Variants in PRKAR2A observed in about 807,000 individuals in gnomAD.
PRKAR2A encodes the protein protein kinase cAMP-dependent type II regulatory subunit alpha, also known as cAMP-dependent protein kinase type II-alpha regulatory subunit.
Under a neutral mutation model 51.9 loss-of-function variants are expected in PRKAR2A, and 29 were observed. That is an observed-to-expected ratio of 0.56 (90% CI 0.42 to 0.76). PRKAR2A has a LOEUF of 0.76. Among genes scored for constraint, PRKAR2A ranks in the 30% least tolerant of loss-of-function variants. The pLI, the probability that PRKAR2A is intolerant of heterozygous loss-of-function variation, is 0.00. For synonymous variants in PRKAR2A, 178 were observed against 186.2 expected, an observed-to-expected ratio of 0.96 and a Z score of 0.36; for missense variants, 445 against 512.1, an observed-to-expected ratio of 0.87 and a Z score of 1.26.
At chr3:48,752,799 G>A (rs1219623934) in intron 9 of PRKAR2A, among the ~76,000 whole-genome samples, 1 of 150,802 alleles carries the variant, frequency 6.6e-6, no homozygotes, top group African/African-American at 2.4e-5. Flanking sequence ...TTGGCCTCAA[G>A]CAATCCTCCC....
In PRKAR2A at chr3:48,783,048, G is replaced by C; in HGVS notation, c.480C>G (p.Val160=). The C allele has an allele frequency of 6.2e-7, 1 of 1,613,778 alleles. No individual in the cohort carries two copies. Among genetic ancestry groups the C allele is most frequent in the Non-Finnish European group, 8.5e-7 (1 of 1,179,962 alleles). ...QVLDAMFERI[V]KADEHVIDQG... is the part of the protein sequence containing the mutation. The stretch of plus-strand genomic sequence containing the variant: ...GGTCAATGACATGCTCATCAGCTTT[G>C]ACTATCCTTTCAAACATGGCATCGA... Residue 160 remains valine, a synonymous_variant, in exon 5 of 11, where the codon GTC becomes GTG. Transcript: ENST00000265563.
chr3:48,793,875 G>A (rs1337941868), intron 3 of PRKAR2A, 122 bp downstream of exon 3: 3 of 838,900 alleles, frequency 3.6e-6, no homozygotes, highest in Admixed American at 2.5e-5. Context: ...GATTAAAAAT[G>A]TCACTTCAGT....
chr3:48,796,461 C>G (rs1225864390), intron 2 of PRKAR2A, among the ~76,000 whole-genome samples: 1 of 152,100 alleles, frequency 6.6e-6, no homozygotes. Flanking sequence ...ATATTTCTAC[C>G]CTTACAACTT....
In PRKAR2A at chr3:48,750,919, A is replaced by C. The variant is rs2081637449; in HGVS notation, c.*666T>G. The stretch of plus-strand genomic sequence containing the variant: ...GCTCTAACATGGGTCCCACGGACCT[A>C]TCAGTCTGCTCTGGGGTGCTGACCT... On this transcript the variant is annotated 3_prime_UTR_variant, in exon 11 of 11. Transcript: ENST00000265563. 1 of 159,186 alleles carries C rather than the reference A, an allele frequency of 6.3e-6. No homozygotes were observed. 9.9% of individuals were successfully genotyped at this position (159,186 alleles called of 1,614,324 possible).
At chr3:48,769,157 C>CT (rs200382765) in intron 6 of PRKAR2A, among the ~76,000 whole-genome samples, 13 of 136,274 alleles carry the variant, frequency 9.5e-5, no homozygotes, top group South Asian at 4.6e-4. Flanking sequence ...AAATATCTTT[C>CT]TTTTTTTTTT....
At chr3:48,754,996 C>CTTTTT (rs1279558575) in intron 9 of PRKAR2A, among the ~76,000 whole-genome samples, 1 of 125,820 alleles carries the variant, frequency 7.9e-6, no homozygotes, top group African/African-American at 3.2e-5. Context: ...TACTTATTAA[C>CTTTTT]TTTTTTTTTT....
At chr3:48,802,806 CA>C (rs980920626) in intron 2 of PRKAR2A, among the ~76,000 whole-genome samples, 1 of 151,840 alleles carries the variant, frequency 6.6e-6, no homozygotes, top group Non-Finnish European at 1.5e-5. Context: ...CAACAACAGT[CA>C]AAAAAAAGTT....
intron 4 of PRKAR2A, among the ~76,000 whole-genome samples, chr3:48,787,111 ACTGGATCCTCTAC>A (rs1393949194): frequency 6.6e-6 from 1 of 152,172 alleles, no homozygotes; most frequent in Non-Finnish European, 1.5e-5. Context: ...GGGATCCTGG[ACTGGATCCTCTAC>A]CAGAAAAAAG....
At chr3:48,817,164 T>A (rs2082886849) in intron 1 of PRKAR2A, among the ~76,000 whole-genome samples, 1 of 151,340 alleles carries the variant, frequency 6.6e-6, no homozygotes, top group African/African-American at 2.4e-5. Flanking sequence ...CCGTCTCTAC[T>A]AAAAATACAA....
At chr3:48,820,755 A>G (rs1228072743) in intron 1 of PRKAR2A, among the ~76,000 whole-genome samples, 1 of 152,190 alleles carries the variant, frequency 6.6e-6, no homozygotes, top group Non-Finnish European at 1.5e-5. Flanking sequence ...GACAAGTAGC[A>G]GTTCAGCAGA....
At chr3:48,765,724 CAAAAAAAAAA>C (rs756566818) in intron 6 of PRKAR2A, among the ~76,000 whole-genome samples, 4 of 45,250 alleles carry the variant, frequency 8.8e-5, no homozygotes, top group African/African-American at 3.9e-4. Flanking sequence ...ACCCTCATTT[CAAAAAAAAAA>C]AAAAAAAAAA....
chr3:48,833,598 T>C (rs1288254853), intron 1 of PRKAR2A, among the ~76,000 whole-genome samples: 6 of 149,512 alleles, frequency 4.0e-5, no homozygotes, highest in African/African-American at 1.2e-4. Context: ...TAATCCTAGC[T>C]ACTCGGGAGG....
intron 8 of PRKAR2A, among the ~76,000 whole-genome samples, chr3:48,764,219 CA>C (rs1002316649): frequency 6.6e-6 from 1 of 152,184 alleles, no homozygotes; most frequent in African/African-American, 2.4e-5. Flanking sequence ...AAAATACAAA[CA>C]CAGCGGACAA....
intron 8 of PRKAR2A, among the ~76,000 whole-genome samples, chr3:48,762,777 T>A (rs1198446746): frequency 6.6e-6 from 1 of 151,852 alleles, no homozygotes; most frequent in African/African-American, 2.4e-5. Context: ...GAAAAAAAAA[T>A]TACATTTGTA....
chr3:48,762,531 A>G (rs1320424920), intron 8 of PRKAR2A, among the ~76,000 whole-genome samples: 2 of 152,176 alleles, frequency 1.3e-5, no homozygotes, highest in Non-Finnish European at 2.9e-5. Context: ...GCTACTCGGG[A>G]GGCTGAGGCA....
At chr3:48,759,585 C>T (rs1435141547) in intron 8 of PRKAR2A, among the ~76,000 whole-genome samples, 2 of 152,122 alleles carry the variant, frequency 1.3e-5, no homozygotes, top group African/African-American at 4.8e-5. Context: ...CAGGGTTTCT[C>T]CATGTTGGTC....
chr3:48,825,362 G>C (rs2083046032), intron 1 of PRKAR2A, among the ~76,000 whole-genome samples: 2 of 152,174 alleles, frequency 1.3e-5, no homozygotes, highest in Admixed American at 1.3e-4. Flanking sequence ...CTGGAGTGCA[G>C]TGGCTATTCA....
Position 48,847,787 on chromosome 3 carries a change from ACCGCCGCCGCTGTCACTGGGCAG to A in PRKAR2A, c.-214_-192del. The A allele has an allele frequency of 3.9e-6, 2 of 516,098 alleles. No individual in the cohort carries two copies. The highest frequency in any genetic ancestry group is 1.5e-4 in the South Asian group (2 of 13,330). The allele number at this position is 516,098 out of a possible 1,614,324, so 32.0% of individuals were successfully genotyped here. ...CCTACGCTACCACGGCCGACCTGGCACCGCCGCCGCTGTCACTGGGCAGCCGCCGCCGCCGCGGGGACCGACGG... is the reference window on the plus strand; with the variant it reads ...CCTACGCTACCACGGCCGACCTGGCACCGCCGCCGCCGCGGGGACCGACGG... On this transcript the variant is annotated 5_prime_UTR_variant, in exon 1 of 11. Coordinates refer to ENST00000265563, the MANE Select transcript of PRKAR2A (RefSeq NM_004157.4). The surrounding 1 kb of genome is among the most constrained non-coding windows in gnomAD (Gnocchi z 4.4).
At chr3:48,799,775 T>C (rs1454873660) in intron 2 of PRKAR2A, among the ~76,000 whole-genome samples, 1 of 152,240 alleles carries the variant, frequency 6.6e-6, no homozygotes, top group Admixed American at 6.5e-5. Flanking sequence ...ATGATGCCAA[T>C]ACACCCATTT....
Sources: gnomAD v4.1 joint callset for allele counts (sites outside exome capture counted in the v4.1 genomes callset) on GRCh38, gnomAD v4.1.1 for gene constraint, Gnocchi (gnomAD v3.1) non-coding constraint, MANE v1.5 for transcripts, NCBI Gene and HGNC (gene_info 2026-07-23, HGNC 2026-07-21) for gene names.